Variants in MOCOS observed in about 807,000 individuals in gnomAD.
The protein encoded by MOCOS is human molybdenum cofactor sulfurase.
Under a neutral mutation model 83.6 loss-of-function variants are expected in MOCOS, and 86 were observed. The ratio of observed to expected loss-of-function variants is 1.03; its 90% CI spans 0.86 to 1.23. The LOEUF is 1.23. MOCOS is among the 50% of genes most tolerant of loss of function. The probability of loss-of-function intolerance (pLI) is 0.00; values close to 1 mark genes in which losing one functional copy is unlikely to be tolerated. For synonymous variants in MOCOS, 445 were observed against 434.7 expected (o/e 1.02, Z -0.29); for missense variants, 1,120 against 1,126.9 (o/e 0.99, Z 0.09).
chr18:36,226,115 T>A (rs528860654), intron 9 of MOCOS, among the ~76,000 whole-genome samples: 1 of 152,306 alleles, frequency 6.6e-6, no homozygotes, highest in South Asian at 2.1e-4. Context: ...TTGCATGTTC[T>A]GTCCATTATT....
chr18:36,220,341 A>AT, intron 9 of MOCOS, 124 bp downstream of exon 9: 1 of 1,199,740 alleles, frequency 8.3e-7, no homozygotes, highest in Non-Finnish European at 1.1e-6. Flanking sequence ...CCTCATCTCT[A>AT]CAAAAAAAAA....
At chr18:36,264,735 G>A (rs604271) in intron 13 of MOCOS, among the ~76,000 whole-genome samples, 119,407 of 151,842 alleles carry the variant, frequency 0.79, 47,285 homozygotes, top group Admixed American at 0.83. Context: ...ATATATTTCC[G>A]CTGATTTAGT....
At position 36,195,325 on chromosome 18, in the gene MOCOS, G is replaced by A. The variant is rs1413335587; in HGVS notation, c.211G>A (p.Asp71Asn). Reference sequence around the variant, plus strand: ...GAGCCAGCTCGAAAGCTTCACTAGTGATCTCATGGAAAACACTTATGGTAA... The same window carrying A: ...GAGCCAGCTCGAAAGCTTCACTAGTAATCTCATGGAAAACACTTATGGTAA... ...SQSQLESFTS[D>N]LMENTYGNPH... Residue 71 changes from aspartate (D) to asparagine (N), a missense_variant, in exon 2 of 15, where the codon GAT (aspartate) becomes AAT (asparagine). Physicochemically the swap from Asp to Asn is conservative, Grantham distance 23. Transcript: ENST00000261326. The A allele has an allele frequency of 1.2e-6, 2 of 1,613,932 alleles. No homozygotes were observed. The highest frequency in any genetic ancestry group is 1.3e-5 in the African/African-American group (1 of 74,908).
In MOCOS at chr18:36,199,888, T is replaced by G; in HGVS notation, c.505T>G (p.Ser169Ala). ...RNVTMAINVI[S>A]TPVRPEDLWS... ...CGTGACCATGGCTATAAATGTCATA[T>G]CCACCCCGGTCAGGCCAGAGGACCT... is the stretch of plus-strand genomic sequence containing the variant. Residue 169 changes from serine (S) to alanine (A), a missense_variant, in exon 4 of 15, where the codon TCC becomes GCC. Physicochemically the swap from Ser to Ala is moderately conservative, Grantham distance 99. Coordinates refer to ENST00000261326, the MANE Select transcript of MOCOS (RefSeq NM_017947.4). The G allele has an allele frequency of 6.2e-7, 1 of 1,613,980 alleles. No individual in the cohort carries two copies. Among genetic ancestry groups the G allele is most frequent in the Non-Finnish European group, 8.5e-7 (1 of 1,179,922 alleles).
chr18:36,251,486 G>A (rs533778836), intron 11 of MOCOS, among the ~76,000 whole-genome samples: 2 of 152,260 alleles, frequency 1.3e-5, no homozygotes, highest in East Asian at 3.9e-4. Context: ...AGGCTGAGGA[G>A]GGCATAAAGC....
At chr18:36,266,605 T>C (rs1351428220) in intron 13 of MOCOS, 144 bp from the exon 14 acceptor site, 3 of 714,298 alleles carry the variant, frequency 4.2e-6, no homozygotes, top group Non-Finnish European at 7.5e-6. Context: ...ATGCAGATGA[T>C]TCCCCAGCAG....
chr18:36,198,817 G>T, intron 3 of MOCOS, 61 bp downstream of exon 3: 1 of 1,565,658 alleles, frequency 6.4e-7, no homozygotes, highest in Non-Finnish European at 8.8e-7. Flanking sequence ...TCCTTCCTAG[G>T]ACTTGCCTGC....
chr18:36,213,889 A>G (rs140560887), intron 7 of MOCOS, among the ~76,000 whole-genome samples: 2,378 of 150,226 alleles, frequency 0.016, 80 homozygotes, highest in African/African-American at 0.055. Context: ...AGATCGCACC[A>G]TTGCACTCCA....
At chr18:36,265,061 GA>G (rs906051343) in intron 13 of MOCOS, among the ~76,000 whole-genome samples, 2 of 152,192 alleles carry the variant, frequency 1.3e-5, no homozygotes, top group Non-Finnish European at 2.9e-5. Flanking sequence ...CAAGCTGCTT[GA>G]AAACAGAATT....
At chr18:36,263,912 C>G (rs1970654) in intron 13 of MOCOS, among the ~76,000 whole-genome samples, 29,529 of 152,046 alleles carry the variant, frequency 0.19, 3,196 homozygotes, top group Non-Finnish European at 0.25. Context: ...TGCGGTGGCT[C>G]ATGCCTATAA....
At chr18:36,223,223 G>T (rs2091503366) in intron 9 of MOCOS, among the ~76,000 whole-genome samples, 1 of 152,134 alleles carries the variant, frequency 6.6e-6, no homozygotes, top group African/African-American at 2.4e-5. Context: ...TACATTTTGG[G>T]ATCTTGTGCT....
chr18:36,189,441 AGACAG>A (rs1301504826), intron 1 of MOCOS, among the ~76,000 whole-genome samples: 1 of 151,154 alleles, frequency 6.6e-6, no homozygotes, highest in African/African-American at 2.4e-5. Context: ...CCTAGAAACA[AGACAG>A]AGAGAGGGCG....
At chr18:36,215,477 A>AG in intron 7 of MOCOS, 39 bp from the exon 8 acceptor site, 1 of 1,584,888 alleles carries the variant, frequency 6.3e-7, no homozygotes, top group South Asian at 1.1e-5. Context: ...TCTATGAGAA[A>AG]GGGGTCACTC....
chr18:36,249,439 C>T (rs1194255110), intron 10 of MOCOS, among the ~76,000 whole-genome samples: 2 of 152,100 alleles, frequency 1.3e-5, no homozygotes, highest in Admixed American at 6.5e-5. Flanking sequence ...TCTTTAGTCC[C>T]TCCCACTAGA....
At chr18:36,249,713 C>A (rs890286754) in intron 10 of MOCOS, among the ~76,000 whole-genome samples, 2 of 151,940 alleles carry the variant, frequency 1.3e-5, no homozygotes, top group African/African-American at 4.8e-5. Context: ...GAGGCTTGGA[C>A]CAGGGTCAGA....
intron 2 of MOCOS, among the ~76,000 whole-genome samples, chr18:36,196,344 A>G (rs2091387694): frequency 6.6e-6 from 1 of 152,216 alleles, no homozygotes; most frequent in South Asian, 2.1e-4. Flanking sequence ...CCCAAGAGGC[A>G]TAGGTTCTGG....
chr18:36,254,411 C>T (rs1009594138), intron 11 of MOCOS, among the ~76,000 whole-genome samples: 3 of 149,730 alleles, frequency 2.0e-5, no homozygotes, highest in African/African-American at 7.4e-5. Flanking sequence ...TTTTTTAAAC[C>T]ACAACAATTT....
At chr18:36,259,386 C>G (rs1196553720) in intron 12 of MOCOS, among the ~76,000 whole-genome samples, 2 of 144,324 alleles carry the variant, frequency 1.4e-5, no homozygotes, top group East Asian at 4.2e-4. Flanking sequence ...TTGGTCAAGG[C>G]TGCAATGAGC....
chr18:36,265,481 C>G (rs536131533), intron 13 of MOCOS, among the ~76,000 whole-genome samples: 1 of 152,134 alleles, frequency 6.6e-6, no homozygotes, highest in African/African-American at 2.4e-5. Context: ...AATTTCAGTG[C>G]ATAATTTGTA....
Sources: allele counts gnomAD v4.1 joint callset (sites outside exome capture counted in the v4.1 genomes callset), GRCh38; gene constraint gnomAD v4.1.1; transcripts MANE v1.5; gene names NCBI Gene and HGNC (gene_info 2026-07-23, HGNC 2026-07-21).